Variants in PGR observed in about 807,000 individuals in gnomAD.
The protein encoded by PGR is nuclear receptor subfamily 3 group C member 3.
Under a neutral mutation model 76.1 loss-of-function variants are expected in PGR, and 25 were observed. The observed-to-expected ratio is 0.33, with a 90% CI of 0.24 to 0.46. The LOEUF is 0.46. Ranked by LOEUF, PGR falls within the 20% of genes least tolerant of loss-of-function variation. PGR has a pLI of 1.00. For missense variants in PGR, 1,172 were observed against 1,225.3 expected (o/e 0.96, Z 0.65); for synonymous variants, 579 against 535.0 (o/e 1.08, Z -1.14).
chr11:101,127,598 C>G lies in PGR; in HGVS notation c.1473G>C (p.Pro491=). The G allele has an allele frequency of 7.7e-7, 1 of 1,302,204 alleles. No homozygotes were observed. Among genetic ancestry groups the G allele is most frequent in the Non-Finnish European group, 9.7e-7 (1 of 1,034,292 alleles). The allele number at this position is 1,302,204 out of a possible 1,614,324, so 80.7% of individuals were successfully genotyped here. The part of the protein sequence containing the change: ...KAPGASGCLL[P]RDGLPSTSAS... ...CGGAGGTGGAGGGCAGGCCGTCCCGCGGGAGCAGGCAGCCGCTCGCGCCCG... is the reference window on the plus strand; with the variant it reads ...CGGAGGTGGAGGGCAGGCCGTCCCGGGGGAGCAGGCAGCCGCTCGCGCCCG... The change falls in exon 1 of 8, where the codon CCG becomes CCC. Residue 491 remains proline, a synonymous_variant. Coordinates refer to ENST00000325455, the MANE Select transcript of PGR (RefSeq NM_000926.4).
At chr11:101,061,425 T>C (rs544551342) in intron 4 of PGR, among the ~76,000 whole-genome samples, 5 of 152,290 alleles carry the variant, frequency 3.3e-5, no homozygotes, top group African/African-American at 9.6e-5. Flanking sequence ...TTCTGTTTCA[T>C]GTAATTGAAT....
At chr11:101,114,209 G>A (rs996392208) in intron 2 of PGR, among the ~76,000 whole-genome samples, 3 of 152,208 alleles carry the variant, frequency 2.0e-5, no homozygotes, top group African/African-American at 7.2e-5. Context: ...ACAATTCTCA[G>A]CTCACACCTC....
intron 6 of PGR, among the ~76,000 whole-genome samples, chr11:101,046,257 C>T (rs975647345): frequency 1.4e-5 from 2 of 147,214 alleles, no homozygotes; most frequent in Non-Finnish European, 3.0e-5. Flanking sequence ...TCCCGGCTAC[C>T]TGGGACTACA....
intron 3 of PGR, among the ~76,000 whole-genome samples, chr11:101,082,187 C>T (rs640562): frequency 0.12 from 17,815 of 152,174 alleles, 1,353 homozygotes; most frequent in Non-Finnish European, 0.16. Context: ...CATTTGCCTT[C>T]CACCATGATT....
chr11:101,055,317 G>T (rs1860248421), intron 4 of PGR, among the ~76,000 whole-genome samples: 1 of 149,560 alleles, frequency 6.7e-6, no homozygotes, highest in African/African-American at 2.5e-5. Context: ...TTGGGAGGAT[G>T]AGGCAGGAGA....
intron 3 of PGR, among the ~76,000 whole-genome samples, chr11:101,070,057 C>T (rs749077810): frequency 6.0e-4 from 89 of 147,750 alleles, no homozygotes; most frequent in Non-Finnish European, 1.1e-3. Flanking sequence ...GGAATAGCTC[C>T]GGTCTGTAGC....
At chr11:101,050,551 TA>T (rs1451604655) in intron 5 of PGR, among the ~76,000 whole-genome samples, 2 of 152,032 alleles carry the variant, frequency 1.3e-5, no homozygotes, top group African/African-American at 2.4e-5. Context: ...CAGAAAAGAG[TA>T]AAAGAGGACA....
chr11:101,114,081 A>G (rs1591426995), intron 2 of PGR, among the ~76,000 whole-genome samples: 1 of 152,202 alleles, frequency 6.6e-6, no homozygotes, highest in African/African-American at 2.4e-5. Flanking sequence ...AAACTTTGAA[A>G]TTACAATAAT....
At position 101,036,891 on chromosome 11, in the gene PGR, T is replaced by C. The variant is rs1420577109; in HGVS notation, c.*2225A>G. 5.1e-6 allele frequency: 1 copy of C among 195,724 alleles called. No individual in the cohort carries two copies. The highest frequency in any genetic ancestry group is 8.0e-5 in the East Asian group (1 of 12,548). The allele number at this position is 195,724 out of a possible 1,614,324, so 12.1% of individuals were successfully genotyped here. On this transcript the variant is annotated 3_prime_UTR_variant, in exon 8 of 8. Transcript: ENST00000325455. ...TTAATTCAAAGTAACAAGAATCAGA[T>C]AATAAAATGATCACAACATCAACTG...
chr11:101,129,460 G>A lies in PGR; in HGVS notation c.-390C>T, dbSNP rs1458269763. 7.7e-6 allele frequency: 2 copies of A among 258,714 alleles called. No individual in the cohort carries two copies. Among genetic ancestry groups the A allele is most frequent in the Admixed American group, 1.0e-4 (2 of 19,552 alleles). 16.0% of individuals were successfully genotyped at this position (258,714 alleles called of 1,614,324 possible). ...GCACTTGAGTGGCTGCGGCTGCGAC[G>A]GCAATTTAGTGACACGCGGCTCCTT... On this transcript the variant is annotated 5_prime_UTR_variant, in exon 1 of 8. Coordinates refer to ENST00000325455, the MANE Select transcript of PGR (RefSeq NM_000926.4).
chr11:101,089,104 T>C (rs1171848614), intron 3 of PGR, among the ~76,000 whole-genome samples: 2 of 152,268 alleles, frequency 1.3e-5, no homozygotes, highest in African/African-American at 4.8e-5. Flanking sequence ...GATGGGATCA[T>C]TTGTACCTCA....
chr11:101,049,993 A>G lies in PGR; in HGVS notation c.2424T>C (p.Phe808=). The change falls in exon 6 of 8, where the codon TTT becomes TTC. Residue 808 remains phenylalanine (F), a synonymous_variant. Coordinates refer to ENST00000325455, the MANE Select transcript of PGR (RefSeq NM_000926.4). ...CTTCTTGGCTAACTTGAAGCTTGACAAACTCCTGTGGGATCTGCCACATGG... is the reference window on the plus strand; with the variant it reads ...CTTCTTGGCTAACTTGAAGCTTGACGAACTCCTGTGGGATCTGCCACATGG... ...CLTMWQIPQE[F]VKLQVSQEEF... 1 of 1,612,690 alleles carries G rather than the reference A, an allele frequency of 6.2e-7. No homozygotes were observed. Among genetic ancestry groups the G allele is most frequent in the Non-Finnish European group, 8.5e-7 (1 of 1,179,076 alleles).
At chr11:101,074,583 A>T (rs532614426) in intron 3 of PGR, among the ~76,000 whole-genome samples, 12 of 152,252 alleles carry the variant, frequency 7.9e-5, no homozygotes, top group African/African-American at 2.9e-4. Context: ...AAACTCCATC[A>T]TCTCAGCCCA....
chr11:101,091,349 T>G (rs1337043954), intron 3 of PGR, among the ~76,000 whole-genome samples: 1 of 152,214 alleles, frequency 6.6e-6, no homozygotes, highest in Non-Finnish European at 1.5e-5. Flanking sequence ...ACCTGACCAA[T>G]TTGCAGAGTC....
At chr11:101,046,925 A>C (rs1179461494) in intron 6 of PGR, among the ~76,000 whole-genome samples, 1 of 152,100 alleles carries the variant, frequency 6.6e-6, no homozygotes, top group Non-Finnish European at 1.5e-5. Flanking sequence ...ATATTTTTAT[A>C]ATGCTTATCT....
rs1859467112 is a variant in PGR at position 101,035,170 on chromosome 11, C to T, written c.*3946G>A. 1 of 214,902 alleles carries T rather than the reference C, an allele frequency of 4.7e-6. No individual in the cohort carries two copies. Among genetic ancestry groups the T allele is most frequent in the African/African-American group, 2.3e-5 (1 of 44,300 alleles). The allele number at this position is 214,902 out of a possible 1,614,324, so 13.3% of individuals were successfully genotyped here. The stretch of plus-strand genomic sequence containing the variant: ...CCATTACTTGTCTCCTTGTCCACTT[C>T]ACTTTATCAGTGGGGACCACAGTTG... On this transcript the variant is annotated 3_prime_UTR_variant, in exon 8 of 8. Coordinates refer to ENST00000325455, the MANE Select transcript of PGR (RefSeq NM_000926.4).
chr11:101,060,285 G>C (rs1860445690), intron 4 of PGR, among the ~76,000 whole-genome samples: 1 of 152,102 alleles, frequency 6.6e-6, no homozygotes, highest in Admixed American at 6.6e-5. Context: ...GTCTTCCACA[G>C]ACTTATTAGT....
At chr11:101,044,982 C>T (rs61890632) in intron 6 of PGR, among the ~76,000 whole-genome samples, 17,603 of 152,046 alleles carry the variant, frequency 0.12, 1,324 homozygotes, top group Non-Finnish European at 0.16. Flanking sequence ...GCTGGAATTA[C>T]GGGCTTGAGC....
chr11:101,116,123 A>AT, intron 2 of PGR, among the ~76,000 whole-genome samples: 1 of 152,326 alleles, frequency 6.6e-6, no homozygotes, highest in East Asian at 1.9e-4. Context: ...CTACAACAAA[A>AT]TTTTTGTTTG....
Sources: gnomAD v4.1 joint callset for allele counts (sites outside exome capture counted in the v4.1 genomes callset) on GRCh38, gnomAD v4.1.1 for gene constraint, MANE v1.5 for transcripts, NCBI Gene and HGNC (gene_info 2026-07-23, HGNC 2026-07-21) for gene names.